Variants in INPP5A observed in about 807,000 individuals in gnomAD.
INPP5A encodes the protein 43 kDa inositol polyphosphate 5-phophatase.
Under a neutral mutation model 65.2 loss-of-function variants are expected in INPP5A, and 14 were observed. That is an observed-to-expected ratio of 0.21 (90% CI 0.14 to 0.34). INPP5A has a LOEUF of 0.34. Ranked by LOEUF, INPP5A falls within the 10% of genes least tolerant of loss-of-function variation. The probability of loss-of-function intolerance (pLI) is 1.00; values close to 1 mark genes in which losing one functional copy is unlikely to be tolerated. For synonymous variants in INPP5A, 207 were observed against 208.3 expected, an observed-to-expected ratio of 0.99 and a Z score of 0.05; for missense variants, 431 against 545.6, an observed-to-expected ratio of 0.79 and a Z score of 2.09.
rs367628952 is a variant in INPP5A, at chr10:132,727,776, G to A, written c.732+871G>A. On this transcript the variant is annotated intron_variant, in intron 9 of 15. Coordinates refer to ENST00000368594, the MANE Select transcript of INPP5A (RefSeq NM_005539.5). This position sits in a 1 kb window ranked among gnomAD's most constrained non-coding sequence, Gnocchi z 6.5. ...GCCACAGTAAGTTGGATGGGGCCAC[G>A]GTGAGTCAGATGGGGACACGGTAAG... Among the ~76,000 whole-genome samples, 5 of 151,956 alleles carry A rather than the reference G, an allele frequency of 3.3e-5. No individual in the cohort carries two copies. The East Asian group carries it at 5.8e-4, about 18-fold the overall frequency.
intron 11 of INPP5A, among the ~76,000 whole-genome samples, chr10:132,765,012 C>T (rs1306467434): frequency 4.7e-5 from 6 of 126,924 alleles, no homozygotes; most frequent in African/African-American, 1.7e-4. Flanking sequence ...CTCAGGAACA[C>T]GGCCGGGCCA....
At chr10:132,775,207 G>GAGGGGCAAGGAGGA (rs1565014220) in intron 12 of INPP5A, among the ~76,000 whole-genome samples, 12 of 98,592 alleles carry the variant, frequency 1.2e-4, no homozygotes, top group Non-Finnish European at 2.0e-4. Context: ...AGGGAGGAGA[G>GAGGGGCAAGGAGGA]GGGGCAGGGG....
rs1471328001 is a variant in INPP5A, at chr10:132,636,425, A to G, written c.118-9443A>G. Among the ~76,000 whole-genome samples the G allele has an allele frequency of 2.0e-5, 3 of 152,204 alleles. 1 individual carries two copies. The East Asian group carries it at 5.8e-4, about 29-fold the overall frequency. Reference sequence around the variant, plus strand: ...AAAGCCCTGGCTTTAGCCCTGTGCAAAACAGCCACGTCACAAAACTGCACT... The same window carrying G: ...AAAGCCCTGGCTTTAGCCCTGTGCAGAACAGCCACGTCACAAAACTGCACT... On this transcript the variant is annotated intron_variant, in intron 2 of 15. Coordinates refer to ENST00000368594, the MANE Select transcript of INPP5A (RefSeq NM_005539.5).
intron 1 of INPP5A, among the ~76,000 whole-genome samples, chr10:132,595,536 GTGTC>G (rs1564928258): frequency 2.0e-5 from 3 of 152,226 alleles, no homozygotes; most frequent in Non-Finnish European, 2.9e-5. Flanking sequence ...TTGTTGGTGA[GTGTC>G]TGGCTCACTG....
intron 12 of INPP5A, among the ~76,000 whole-genome samples, chr10:132,771,723 GACA>G (rs1341515737): frequency 6.7e-4 from 48 of 72,146 alleles, no homozygotes; most frequent in East Asian, 2.1e-3. Flanking sequence ...TGAAGAGTGG[GACA>G]GACACTCAGC....
intron 5 of INPP5A, among the ~76,000 whole-genome samples, chr10:132,694,221 A>C (rs1190231850): frequency 6.6e-6 from 1 of 152,222 alleles, no homozygotes; most frequent in Admixed American, 6.5e-5. Flanking sequence ...CAGCACCAGA[A>C]AAGTAGCTGG....
rs2133355687 is a variant in INPP5A, at chr10:132,616,879, T to C, written c.117+8923T>C. 6.6e-6 allele frequency among the ~76,000 whole-genome samples: 1 copy of C among 151,920 alleles called. No individual in the cohort carries two copies. Among genetic ancestry groups the C allele is most frequent in the South Asian group, 2.1e-4 (1 of 4,806 alleles). The stretch of plus-strand genomic sequence containing the variant: ...GCAGGAGCTCCTGGGCAGTCTGTTC[T>C]GGGAGTGAGGATGTTTGGGGGTTGT... On this transcript the variant is annotated intron_variant, in intron 2 of 15. Transcript: ENST00000368594. The surrounding 1 kb of genome is among the most constrained non-coding windows in gnomAD (Gnocchi z 4.9).
At chr10:132,761,555 G>A (rs948926142) in intron 11 of INPP5A, among the ~76,000 whole-genome samples, 1 of 151,520 alleles carries the variant, frequency 6.6e-6, no homozygotes, top group Non-Finnish European at 1.5e-5. Flanking sequence ...TGCTGAGGAT[G>A]GCATGGCTGG....
intron 2 of INPP5A, among the ~76,000 whole-genome samples, chr10:132,619,994 C>T (rs113345660): frequency 0.034 from 5,253 of 152,276 alleles, 289 homozygotes; most frequent in African/African-American, 0.12. Context: ...GGCTTAACAC[C>T]TGCATTTTTC....
chr10:132,742,689 G>A (rs913367214), intron 9 of INPP5A, among the ~76,000 whole-genome samples: 4 of 152,168 alleles, frequency 2.6e-5, no homozygotes, highest in Non-Finnish European at 5.9e-5. Flanking sequence ...CGATGAGTTC[G>A]GACCGTGAGG....
At chr10:132,745,385 T>C (rs1846350590) in intron 9 of INPP5A, among the ~76,000 whole-genome samples, 1 of 151,970 alleles carries the variant, frequency 6.6e-6, no homozygotes, top group South Asian at 2.1e-4. Context: ...CACCAGGGAG[T>C]AACCAGGGAA....
chr10:132,742,282 C>T (rs950325910), intron 9 of INPP5A, among the ~76,000 whole-genome samples: 5 of 152,244 alleles, frequency 3.3e-5, no homozygotes, highest in South Asian at 2.1e-4. Flanking sequence ...GATGCAGCCC[C>T]GACCTGGGCC....
rs1048927290 is a variant in INPP5A, at chr10:132,601,593, T to C, written c.76-6322T>C. ...GTCAAATCCAGTGTCACAAAGTTTCTCCCCTATGTTTTCTTCTAAGAATTT... is the reference window on the plus strand; with the variant it reads ...GTCAAATCCAGTGTCACAAAGTTTCCCCCCTATGTTTTCTTCTAAGAATTT... On this transcript the variant is annotated intron_variant, in intron 1 of 15. Transcript: ENST00000368594. Among the ~76,000 whole-genome samples, 10 of 152,250 alleles carry C rather than the reference T, an allele frequency of 6.6e-5. 1 individual carries two copies. Among genetic ancestry groups the C allele is most frequent in the African/African-American group, 1.9e-4 (8 of 41,462 alleles).
chr10:132,639,549 A>C (rs1181854352), intron 2 of INPP5A, among the ~76,000 whole-genome samples: 2 of 152,190 alleles, frequency 1.3e-5, no homozygotes, highest in Non-Finnish European at 2.9e-5. Context: ...CTTTGAATTT[A>C]TCTTGTTATT....
intron 1 of INPP5A, among the ~76,000 whole-genome samples, chr10:132,558,344 G>A (rs1027117605): frequency 3.3e-5 from 5 of 152,092 alleles, no homozygotes; most frequent in African/African-American, 9.7e-5. Context: ...CACTCGCTCC[G>A]GGGCTAATCA....
In INPP5A at chr10:132,735,372, C is replaced by T. The variant is rs375816506; in HGVS notation, c.732+8467C>T. Among the ~76,000 whole-genome samples, 317 of 152,354 alleles carry T rather than the reference C, an allele frequency of 2.1e-3. 3 individuals carry two copies. Among genetic ancestry groups the T allele is most frequent in the African/African-American group, 6.2e-3 (259 of 41,584 alleles). On this transcript the variant is annotated intron_variant, in intron 9 of 15. Transcript: ENST00000368594. ...GTGACACAGTCGTGCATAGCCAGAG[C>T]GCATCAGGAAGCCGTGTTTATCACA...
At chr10:132,655,064 G>A (rs997911973) in intron 4 of INPP5A, among the ~76,000 whole-genome samples, 4 of 152,264 alleles carry the variant, frequency 2.6e-5, no homozygotes, top group Non-Finnish European at 4.4e-5. Context: ...TCCGCCAGGC[G>A]AGGTGGGCCT....
intron 1 of INPP5A, among the ~76,000 whole-genome samples, chr10:132,584,603 A>AC (rs1273574198): frequency 6.6e-6 from 1 of 151,940 alleles, no homozygotes; most frequent in African/African-American, 2.4e-5. Context: ...TATAGTGATA[A>AC]CCCCTCTTTG....
intron 2 of INPP5A, among the ~76,000 whole-genome samples, chr10:132,643,967 C>A (rs978429003): frequency 6.6e-6 from 1 of 152,074 alleles, no homozygotes. Context: ...TCAAGCCCAC[C>A]CACTCTTCCC....
Sources: gnomAD v4.1 joint callset for allele counts (sites outside exome capture counted in the v4.1 genomes callset) on GRCh38, gnomAD v4.1.1 for gene constraint, Gnocchi (gnomAD v3.1) non-coding constraint, MANE v1.5 for transcripts, NCBI Gene and HGNC (gene_info 2026-07-23, HGNC 2026-07-21) for gene names.